Variants in ACSL3 observed in about 807,000 individuals in gnomAD.
The protein encoded by ACSL3 is acyl-CoA synthetase long chain family member 3.
Under a neutral mutation model 84.7 loss-of-function variants are expected in ACSL3, and 34 were observed. The observed-to-expected ratio is 0.40, with a 90% CI of 0.31 to 0.53. The LOEUF (loss-of-function observed/expected upper bound fraction) is 0.53. Among genes scored for constraint, ACSL3 ranks in the 20% least tolerant of loss-of-function variants. The pLI, the probability that ACSL3 is intolerant of heterozygous loss-of-function variation, is 0.48. For missense variants in ACSL3, 680 were observed against 873.1 expected, an observed-to-expected ratio of 0.78 and a Z score of 2.79; for synonymous variants, 315 against 299.4, an observed-to-expected ratio of 1.05 and a Z score of -0.54.
At chr2:222,868,475 C>G (rs1435511793) in intron 1 of ACSL3, among the ~76,000 whole-genome samples, 1 of 152,072 alleles carries the variant, frequency 6.6e-6, no homozygotes, top group African/African-American at 2.4e-5. Flanking sequence ...TTTTCTAAGC[C>G]TACTCAGTTT....
At position 222,913,604 on chromosome 2, in the gene ACSL3, C is replaced by T. The variant is rs114385424; in HGVS notation, c.379-2715C>T. Among the ~76,000 whole-genome samples, 1,501 of 152,264 alleles carry T rather than the reference C, an allele frequency of 9.9e-3. 23 individuals are homozygous for T. The highest frequency in any genetic ancestry group is 0.035 in the African/African-American group (1,444 of 41,546). ...GCCTCCTTGCTTCCACACTTGCCCC[C>T]AACTGTAATTCACTCACACACAGCA... On this transcript the variant is annotated intron_variant, in intron 4 of 16. Coordinates refer to ENST00000357430, the MANE Select transcript of ACSL3 (RefSeq NM_004457.5).
chr2:222,879,998 T>C (rs926151915), intron 1 of ACSL3, among the ~76,000 whole-genome samples: 6 of 152,166 alleles, frequency 3.9e-5, no homozygotes, highest in African/African-American at 1.4e-4. Context: ...TTTCCAGGAC[T>C]TAATTCAGCT....
chr2:222,919,960 G>A (rs1423993447), intron 7 of ACSL3, among the ~76,000 whole-genome samples: 1 of 152,168 alleles, frequency 6.6e-6, no homozygotes, highest in African/African-American at 2.4e-5. Context: ...TGTGGGAGTA[G>A]GGGGTGAGGT....
intron 1 of ACSL3, among the ~76,000 whole-genome samples, chr2:222,887,629 G>A (rs192253439): frequency 6.6e-6 from 1 of 152,260 alleles, no homozygotes; most frequent in East Asian, 1.9e-4. Context: ...TGTAGTGTGT[G>A]TACTATATGT....
intron 15 of ACSL3, chr2:222,933,645 TGC>T: frequency 6.1e-6 from 1 of 163,808 alleles, no homozygotes; most frequent in Non-Finnish European, 1.3e-5. Context: ...GTGAGGAGTG[TGC>T]TGCTTACTTA....
At position 222,923,157 on chromosome 2, in the gene ACSL3, G is replaced by A. The variant is rs755133422; in HGVS notation, c.1152+8G>A. ...CTGATGGCAGCAGTTCCGGTAAGAA[G>A]TGACCCTTATTTAATATTGAGTATT... On this transcript the variant is annotated splice_region_variant and intron_variant, in intron 10 of 16. Transcript: ENST00000357430. 6.2e-7 allele frequency: 1 copy of A among 1,610,096 alleles called. No homozygotes were observed.
intron 1 of ACSL3, among the ~76,000 whole-genome samples, chr2:222,866,753 GCCCCCCCCCCCCCCCCCCCC>G (rs1237425837): frequency 9.6e-4 from 18 of 18,716 alleles, no homozygotes; most frequent in African/African-American, 1.9e-3. Flanking sequence ...TGCCCCCCCC[GCCCCCCCCCCCCCCCCCCCC>G]CCCCGCCCCG....
chr2:222,885,001 G>A (rs1402330469), intron 1 of ACSL3, among the ~76,000 whole-genome samples: 1 of 152,140 alleles, frequency 6.6e-6, no homozygotes, highest in Admixed American at 6.5e-5. Context: ...CCACGTTAAA[G>A]TGATTTGTCA....
At chr2:222,883,937 G>A (rs1211447849) in intron 1 of ACSL3, among the ~76,000 whole-genome samples, 3 of 151,972 alleles carry the variant, frequency 2.0e-5, no homozygotes, top group Non-Finnish European at 2.9e-5. Flanking sequence ...TTAATATATA[G>A]CATTGCATTC....
intron 4 of ACSL3, among the ~76,000 whole-genome samples, chr2:222,913,716 G>A (rs112414257): frequency 1.1e-3 from 168 of 152,266 alleles, no homozygotes; most frequent in African/African-American, 3.9e-3. Context: ...TGCAGTTGAA[G>A]CATTGTGATT....
In ACSL3 at chr2:222,909,117, T is replaced by C; in HGVS notation, c.345T>C (p.Asp115=). 1 of 1,601,724 alleles carries C rather than the reference T, an allele frequency of 6.2e-7. No homozygotes were observed. The highest frequency in any genetic ancestry group is 8.5e-7 in the Non-Finnish European group (1 of 1,177,306). ...CACGTGAAGTTTTAAATGAGGAAGA[T>C]GAAGTACAACCAAATGGAAAAATTT... ...LGTREVLNEE[D]EVQPNGKIFK... The change falls in exon 4 of 17, where the codon GAT becomes GAC. Residue 115 remains aspartate (D), a synonymous_variant. Transcript: ENST00000357430.
chr2:222,905,889 T>C (rs902910171), intron 3 of ACSL3, among the ~76,000 whole-genome samples: 10 of 151,994 alleles, frequency 6.6e-5, no homozygotes, highest in Non-Finnish European at 1.0e-4. Context: ...TCCAGAGTGC[T>C]AGAATTCAGT....
In ACSL3 at chr2:222,879,363, TGA is replaced by T. The variant is rs142994206; in HGVS notation, c.-206-8466_-206-8465del. ...AACAAATTTAGTTAAATGCTTTACT[TGA>T]AAACCGATCTCATGCTATCTACAAC... is the stretch of plus-strand genomic sequence containing the variant. On this transcript the variant is annotated intron_variant, in intron 1 of 16. Transcript: ENST00000357430. 1.0e-3 allele frequency among the ~76,000 whole-genome samples: 154 copies of T among 152,182 alleles called. 1 individual carries two copies. The highest frequency in any genetic ancestry group is 3.6e-3 in the African/African-American group (148 of 41,532).
chr2:222,929,108 A>C (rs765323434), intron 13 of ACSL3, among the ~76,000 whole-genome samples, 172 bp downstream of exon 13: 3 of 152,190 alleles, frequency 2.0e-5, no homozygotes, highest in Admixed American at 6.5e-5. Flanking sequence ...TCTTGTTTCA[A>C]AGATGTTTCT....
At chr2:222,922,397 G>C (rs768619776) in intron 8 of ACSL3, among the ~76,000 whole-genome samples, 5 of 152,202 alleles carry the variant, frequency 3.3e-5, no homozygotes, top group Admixed American at 6.5e-5. Context: ...TTGTGCCTCA[G>C]TACTTTGCTT....
At chr2:222,881,420 T>C (rs1171419208) in intron 1 of ACSL3, among the ~76,000 whole-genome samples, 1 of 152,280 alleles carries the variant, frequency 6.6e-6, no homozygotes, top group Admixed American at 6.5e-5. Context: ...TTCAGTATGA[T>C]GTTTAATGTT....
At chr2:222,913,850 G>GATA (rs952738686) in intron 4 of ACSL3, among the ~76,000 whole-genome samples, 29 of 152,254 alleles carry the variant, frequency 1.9e-4, no homozygotes, top group African/African-American at 6.7e-4. Flanking sequence ...GTAAAATAGG[G>GATA]ATAATAATAG....
intron 14 of ACSL3, among the ~76,000 whole-genome samples, chr2:222,931,297 C>A (rs1697024979): frequency 6.6e-6 from 1 of 151,826 alleles, no homozygotes; most frequent in Non-Finnish European, 1.5e-5. Context: ...ACCTGTAATC[C>A]CAGCTACTTG....
At chr2:222,906,984 A>C (rs1331800465) in intron 3 of ACSL3, among the ~76,000 whole-genome samples, 2 of 152,200 alleles carry the variant, frequency 1.3e-5, no homozygotes, top group Non-Finnish European at 2.9e-5. Flanking sequence ...AGTCGGTCTT[A>C]GAAATTGCTA....
Sources: gnomAD v4.1 joint callset for allele counts (sites outside exome capture counted in the v4.1 genomes callset) on GRCh38, gnomAD v4.1.1 for gene constraint, MANE v1.5 for transcripts, NCBI Gene and HGNC (gene_info 2026-07-23, HGNC 2026-07-21) for gene names.